ASIC2: variants seen among roughly 807,000 people sequenced by gnomAD.
ASIC2 encodes the protein acid sensing ion channel subunit 2, also known as acid-sensing ion channel 2.
ASIC2 carries 25 observed loss-of-function variants against 57.3 expected under a neutral mutation model. That is an observed-to-expected ratio of 0.44 (90% confidence interval 0.32 to 0.61). The LOEUF is 0.61. Among genes scored for constraint, ASIC2 ranks in the 20% least tolerant of loss-of-function variants. The pLI is 0.06. For missense variants in ASIC2, 641 were observed against 738.1 expected, an observed-to-expected ratio of 0.87 and a Z score of 1.52; for synonymous variants, 319 against 307.5, an observed-to-expected ratio of 1.04 and a Z score of -0.39.
chr17:34,102,746 C>T (rs1013787801), intron 1 of ASIC2, among the ~76,000 whole-genome samples: 1 of 152,160 alleles, frequency 6.6e-6, no homozygotes, highest in Non-Finnish European at 1.5e-5. Flanking sequence ...GGGCTGTTTC[C>T]AGTTCTTGGT....
chr17:33,278,188 T>G (rs181303217), intron 1 of ASIC2, among the ~76,000 whole-genome samples: 1 of 149,160 alleles, frequency 6.7e-6, no homozygotes, highest in African/African-American at 2.5e-5. Flanking sequence ...CCCTATCAGA[T>G]GCCCTTATTC....
At chr17:33,293,349 G>A (rs533840631), upstream of ASIC2, among the ~76,000 whole-genome samples, 363 of 152,248 alleles carry the variant, frequency 2.4e-3, no homozygotes, top group Non-Finnish European at 4.2e-3. Context: ...GAGACGCGGT[G>A]CTGACGCGCC....
intron 1 of ASIC2, among the ~76,000 whole-genome samples, chr17:33,365,456 T>C (rs1908772760): frequency 6.6e-6 from 1 of 152,148 alleles, no homozygotes; most frequent in Non-Finnish European, 1.5e-5. Flanking sequence ...ACTTGCTGAA[T>C]GGCTGGATAA....
In ASIC2 at chr17:33,130,909, A is replaced by G. The variant is rs1013425060; in HGVS notation, c.709-18842T>C. Among the ~76,000 whole-genome samples, 11 of 152,304 alleles carry G rather than the reference A, an allele frequency of 7.2e-5. No homozygotes were observed. The South Asian group carries it at 8.3e-4, about 11-fold the overall frequency. On this transcript the variant is annotated intron_variant, in intron 1 of 9. Coordinates refer to ENST00000225823, the MANE Select transcript of ASIC2 (RefSeq NM_183377.2). ...TGGAACACAGTCTGAGCCAGTGACAACATGAGATTTGGGGTTCAGATCCAC... is the reference window on the plus strand; with the variant it reads ...TGGAACACAGTCTGAGCCAGTGACAGCATGAGATTTGGGGTTCAGATCCAC...
intron 1 of ASIC2, among the ~76,000 whole-genome samples, chr17:33,350,408 G>T (rs996141092): frequency 2.6e-5 from 4 of 152,076 alleles, no homozygotes; most frequent in Non-Finnish European, 5.9e-5. Flanking sequence ...GGCCAGGCAC[G>T]GTGGCTCACA....
chr17:33,785,921 C>T (rs146809889), intron 1 of ASIC2, among the ~76,000 whole-genome samples: 67 of 152,294 alleles, frequency 4.4e-4, no homozygotes, highest in East Asian at 4.1e-3. Flanking sequence ...CTGGAATCTG[C>T]GTCGGCTGCT....
intron 1 of ASIC2, among the ~76,000 whole-genome samples, chr17:33,314,083 A>C (rs1485456703): frequency 1.3e-5 from 2 of 152,144 alleles, no homozygotes; most frequent in Non-Finnish European, 2.9e-5. Flanking sequence ...GAGGAAAAGC[A>C]ATGGGGTCTG....
intron 1 of ASIC2, among the ~76,000 whole-genome samples, chr17:33,957,402 G>C (rs1904770418): frequency 6.6e-6 from 1 of 152,102 alleles, no homozygotes; most frequent in Admixed American, 6.6e-5. Context: ...CTGTTATAAG[G>C]ACATATCTGA....
chr17:33,060,648 T>C (rs2092017096), intron 3 of ASIC2, among the ~76,000 whole-genome samples: 1 of 152,208 alleles, frequency 6.6e-6, no homozygotes. Flanking sequence ...ATGCGGGCTC[T>C]TTTTTGGTTC....
chr17:33,590,265 G>C (rs1459493051), intron 1 of ASIC2, among the ~76,000 whole-genome samples: 1 of 152,168 alleles, frequency 6.6e-6, no homozygotes, highest in African/African-American at 2.4e-5. Context: ...TCAAGGGGCA[G>C]TATGGATTGA....
At chr17:33,942,817 T>C (rs527864805) in intron 1 of ASIC2, among the ~76,000 whole-genome samples, 26 of 152,288 alleles carry the variant, frequency 1.7e-4, no homozygotes, top group African/African-American at 6.0e-4. Flanking sequence ...ATCCCAGTTT[T>C]AGAAAATGTG....
intron 1 of ASIC2, among the ~76,000 whole-genome samples, chr17:33,343,827 G>A (rs943645733): frequency 1.3e-5 from 2 of 152,048 alleles, no homozygotes; most frequent in East Asian, 1.9e-4. Context: ...AATGAAATCC[G>A]ATCTCTTCTC....
chr17:33,036,323 C>T (rs2091908392), intron 3 of ASIC2, among the ~76,000 whole-genome samples: 1 of 152,092 alleles, frequency 6.6e-6, no homozygotes, highest in South Asian at 2.1e-4. Flanking sequence ...ATTTCAGATC[C>T]TAAACTTGTG....
intron 1 of ASIC2, among the ~76,000 whole-genome samples, chr17:33,918,402 C>T (rs1487235457): frequency 7.9e-5 from 12 of 152,134 alleles, no homozygotes. Flanking sequence ...ACAACTAAGA[C>T]AGTGATTATT....
chr17:33,432,798 A>T (rs1911465624), intron 1 of ASIC2, among the ~76,000 whole-genome samples: 2 of 152,182 alleles, frequency 1.3e-5, no homozygotes, highest in Non-Finnish European at 2.9e-5. Flanking sequence ...AAGCATATGA[A>T]AAAAAGCTCA....
At chr17:33,795,654 A>G (rs1172788839) in intron 1 of ASIC2, among the ~76,000 whole-genome samples, 2 of 152,222 alleles carry the variant, frequency 1.3e-5, no homozygotes, top group African/African-American at 4.8e-5. Flanking sequence ...TGGGATACAG[A>G]CACAGAAATA....
At chr17:33,687,486 G>T (rs561144742) in intron 1 of ASIC2, among the ~76,000 whole-genome samples, 11 of 152,276 alleles carry the variant, frequency 7.2e-5, no homozygotes, top group African/African-American at 2.6e-4. Flanking sequence ...TGCCTAGGAA[G>T]GTCCAGCCCC....
intron 1 of ASIC2, among the ~76,000 whole-genome samples, chr17:33,731,300 A>G (rs576592241): frequency 6.6e-6 from 1 of 152,318 alleles, no homozygotes; most frequent in African/African-American, 2.4e-5. Flanking sequence ...TTTAGGACAG[A>G]CATTGCCATA....
intron 1 of ASIC2, among the ~76,000 whole-genome samples, chr17:34,025,903 C>T (rs60189343): frequency 0.019 from 2,936 of 152,300 alleles, 98 homozygotes; most frequent in African/African-American, 0.066. Flanking sequence ...AATGCTGATG[C>T]TGTCCTTACC....
Sources: allele counts gnomAD v4.1 joint callset (sites outside exome capture counted in the v4.1 genomes callset), GRCh38; gene constraint gnomAD v4.1.1; transcripts MANE v1.5; gene names NCBI Gene and HGNC (gene_info 2026-07-23, HGNC 2026-07-21).